The following PARD3B variants were observed in gnomAD, a reference collection of about 807,000 sequenced individuals.
PARD3B encodes the protein partitioning defective 3 homolog B.
PARD3B carries 103 observed loss-of-function variants against 130.2 expected under a neutral mutation model. The ratio of observed to expected loss-of-function variants is 0.79; its 90% CI spans 0.67 to 0.93. The LOEUF is 0.93. Ranked by LOEUF, PARD3B falls within the 40% of genes least tolerant of loss-of-function variation. PARD3B has a pLI of 0.00. For missense variants in PARD3B, 1,609 were observed against 1,499.2 expected (o/e 1.07, Z -1.21); for synonymous variants, 583 against 553.2 (o/e 1.05, Z -0.76).
intron 3 of PARD3B, among the ~76,000 whole-genome samples, chr2:205,005,206 A>G (rs1159245612): frequency 6.6e-6 from 1 of 152,046 alleles, no homozygotes; most frequent in Non-Finnish European, 1.5e-5. Flanking sequence ...GAAAGTATAC[A>G]CACATGTACA....
chr2:204,829,235 A>G (rs2043712439), intron 2 of PARD3B, among the ~76,000 whole-genome samples: 1 of 152,228 alleles, frequency 6.6e-6, no homozygotes, highest in Non-Finnish European at 1.5e-5. Context: ...TAGTTAACCA[A>G]CATTTACTGA....
chr2:205,442,945 A>T (rs1275411331), intron 20 of PARD3B, among the ~76,000 whole-genome samples: 1 of 152,180 alleles, frequency 6.6e-6, no homozygotes, highest in Non-Finnish European at 1.5e-5. Flanking sequence ...CTTTCAATAG[A>T]GTTTTCACCG....
intron 2 of PARD3B, among the ~76,000 whole-genome samples, chr2:204,918,938 C>A (rs1460518540): frequency 1.3e-5 from 2 of 151,648 alleles, no homozygotes; most frequent in African/African-American, 4.8e-5. Context: ...TATACCCAGT[C>A]TTCATTTAAA....
intron 10 of PARD3B, among the ~76,000 whole-genome samples, chr2:205,139,640 A>G (rs1043109298): frequency 6.6e-5 from 10 of 152,210 alleles, no homozygotes; most frequent in African/African-American, 2.4e-4. Flanking sequence ...TGTTTGGGAT[A>G]TACATAACAG....
rs554400519 is a variant in PARD3B, at chr2:205,308,270, A to T, written c.2630+6569A>T. ...AGCACTTTTCCTGTCTTAATAAAGG[A>T]AGGAAGGATAAAAACTTTTGAGTTC... On this transcript the variant is annotated intron_variant, in intron 18 of 22. Coordinates refer to ENST00000406610, the MANE Select transcript of PARD3B (RefSeq NM_001302769.2). 6.6e-5 allele frequency among the ~76,000 whole-genome samples: 10 copies of T among 152,266 alleles called. No homozygotes were observed. In the South Asian group the frequency reaches 2.1e-3, roughly 32 times the overall value.
At chr2:205,438,546 A>G (rs2047598962) in intron 19 of PARD3B, among the ~76,000 whole-genome samples, 1 of 152,162 alleles carries the variant, frequency 6.6e-6, no homozygotes, top group Non-Finnish European at 1.5e-5. Flanking sequence ...CATCCCTATC[A>G]TCAGGGTGCA....
rs1420983951 is a variant in PARD3B at position 205,146,511 on chromosome 2, C to A, written c.1435-12211C>A. ...AAAAATACAAAAACATTTATCTGGG[C>A]GTGGTGGCGGGCGCCTGTAGTCCCA... is the stretch of plus-strand genomic sequence containing the variant. On this transcript the variant is annotated intron_variant, in intron 10 of 22. Coordinates refer to ENST00000406610, the MANE Select transcript of PARD3B (RefSeq NM_001302769.2). This position sits in a 1 kb window ranked among gnomAD's most constrained non-coding sequence, Gnocchi z 4.3. Among the ~76,000 whole-genome samples, 3 of 151,616 alleles carry A rather than the reference C, an allele frequency of 2.0e-5. No homozygotes were observed.
intron 2 of PARD3B, among the ~76,000 whole-genome samples, chr2:204,701,913 G>A (rs1191387897): frequency 6.6e-6 from 1 of 151,992 alleles, no homozygotes; most frequent in Non-Finnish European, 1.5e-5. Flanking sequence ...CCCTCTAGAA[G>A]TCCCCAATGT....
rs1315941435 is a variant in PARD3B at position 204,689,180 on chromosome 2, G to T, written c.222+2898G>T. ...AGTTCAGCCAGTGTTCTTAAGAAAT[G>T]ACTTTTAAAACTTGTGCCTAAAGTG... On this transcript the variant is annotated intron_variant, in intron 2 of 22. Transcript: ENST00000406610. This position sits in a 1 kb window ranked among gnomAD's most constrained non-coding sequence, Gnocchi z 5.2. 1.3e-5 allele frequency among the ~76,000 whole-genome samples: 2 copies of T among 152,150 alleles called. No homozygotes were observed. The highest frequency in any genetic ancestry group is 2.9e-5 in the Non-Finnish European group (2 of 68,016).
At chr2:204,871,561 A>C (rs2045631303) in intron 2 of PARD3B, among the ~76,000 whole-genome samples, 2 of 152,168 alleles carry the variant, frequency 1.3e-5, no homozygotes, top group Non-Finnish European at 2.9e-5. Flanking sequence ...GAAGTGCTAG[A>C]AAAGTAAATA....
intron 21 of PARD3B, among the ~76,000 whole-genome samples, chr2:205,524,728 TCTC>T (rs1559177970): frequency 1.3e-5 from 2 of 152,164 alleles, no homozygotes; most frequent in Admixed American, 1.3e-4. Flanking sequence ...CCCATGTTAA[TCTC>T]ATCAGTCTCA....
intron 20 of PARD3B, among the ~76,000 whole-genome samples, chr2:205,453,327 G>C (rs1051725666): frequency 6.6e-6 from 1 of 152,126 alleles, no homozygotes; most frequent in Non-Finnish European, 1.5e-5. Context: ...TATATTAGAA[G>C]AGCTGGAGTG....
In PARD3B at chr2:204,646,968, T is replaced by A. The variant is rs555142148; in HGVS notation, c.121-39213T>A. 2.4e-4 allele frequency among the ~76,000 whole-genome samples: 37 copies of A among 152,158 alleles called. No individual in the cohort carries two copies. The Middle Eastern group carries it at 0.014, about 56-fold the overall frequency. Reference sequence around the variant, plus strand: ...ACAAATTCTATTTTATAATAAAGTGTTGAATATCTAACTTAAGAGTATTGA... The same window carrying A: ...ACAAATTCTATTTTATAATAAAGTGATGAATATCTAACTTAAGAGTATTGA... On this transcript the variant is annotated intron_variant, in intron 1 of 22. Coordinates refer to ENST00000406610, the MANE Select transcript of PARD3B (RefSeq NM_001302769.2).
chr2:205,039,713 G>A (rs1014165561), intron 3 of PARD3B, among the ~76,000 whole-genome samples: 6 of 151,672 alleles, frequency 4.0e-5, no homozygotes, highest in African/African-American at 9.7e-5. Context: ...CAGGTGATCC[G>A]CCTGCCTTGG....
chr2:205,381,146 TATATATAATATATATAAAGA>T (rs1376637814), intron 18 of PARD3B, among the ~76,000 whole-genome samples: 4 of 27,846 alleles, frequency 1.4e-4, no homozygotes, highest in Non-Finnish European at 4.4e-4. Flanking sequence ...GAATATATAA[TATATATAATATATATAAAGA>T]ATATATAATA....
chr2:205,057,657 GTACATA>G (rs1699798390), intron 4 of PARD3B, among the ~76,000 whole-genome samples: 1 of 70,508 alleles, frequency 1.4e-5, no homozygotes, highest in Non-Finnish European at 2.9e-5. Flanking sequence ...ATGTGTATAC[GTACATA>G]TACATATATG....
chr2:205,266,607 T>C (rs1223349759), intron 16 of PARD3B, among the ~76,000 whole-genome samples: 1 of 152,120 alleles, frequency 6.6e-6, no homozygotes, highest in Non-Finnish European at 1.5e-5. Context: ...CTGTGGTGTT[T>C]GTTGCTATTT....
intron 3 of PARD3B, among the ~76,000 whole-genome samples, chr2:205,025,087 G>A (rs1381020588): frequency 6.6e-6 from 1 of 152,158 alleles, no homozygotes; most frequent in Admixed American, 6.6e-5. Flanking sequence ...TTGTATTGTT[G>A]CTGTTTATCT....
intron 16 of PARD3B, among the ~76,000 whole-genome samples, chr2:205,246,098 TA>T (rs2039560086): frequency 1.3e-5 from 2 of 152,136 alleles, no homozygotes; most frequent in African/African-American, 2.4e-5. Flanking sequence ...GCTAAACACT[TA>T]AAAAAATTGC....
Sources: allele counts gnomAD v4.1 joint callset (sites outside exome capture counted in the v4.1 genomes callset), GRCh38; gene constraint gnomAD v4.1.1; non-coding constraint Gnocchi (gnomAD v3.1); transcripts MANE v1.5; gene names NCBI Gene and HGNC (gene_info 2026-07-23, HGNC 2026-07-21).